The following SYT17 variants were observed in gnomAD, a reference collection of about 807,000 sequenced individuals.
The protein encoded by SYT17 is synaptotagmin-17.
In SYT17, 22 loss-of-function variants were observed where a neutral mutation model predicts 46.7. The ratio of observed to expected loss-of-function variants is 0.47; its 90% CI spans 0.34 to 0.67. The LOEUF is 0.67. Ranked by LOEUF, SYT17 falls within the 30% of genes least tolerant of loss-of-function variation. SYT17 has a pLI of 0.01. For synonymous variants in SYT17, 251 were observed against 248.4 expected, an observed-to-expected ratio of 1.01 and a Z score of -0.10; for missense variants, 519 against 612.8, an observed-to-expected ratio of 0.85 and a Z score of 1.62.
chr16:19,244,029 C>G (rs1043819060), intron 7 of SYT17, among the ~76,000 whole-genome samples: 1 of 151,952 alleles, frequency 6.6e-6, no homozygotes, highest in Non-Finnish European at 1.5e-5. Flanking sequence ...CTAACTTGGG[C>G]GAGGGGCAGG....
chr16:19,254,022 C>G (rs1431071358), intron 7 of SYT17, among the ~76,000 whole-genome samples: 1 of 152,228 alleles, frequency 6.6e-6, no homozygotes, highest in African/African-American at 2.4e-5. Flanking sequence ...AACCACCGCA[C>G]CCAGTCCTCT....
chr16:19,238,517 C>T (rs1286043149), intron 7 of SYT17, among the ~76,000 whole-genome samples: 1 of 152,240 alleles, frequency 6.6e-6, no homozygotes, highest in Admixed American at 6.5e-5. Context: ...CCAACATCCA[C>T]CAGGTGGTAG....
intron 3 of SYT17, among the ~76,000 whole-genome samples, chr16:19,179,654 G>A (rs1433197300): frequency 6.6e-6 from 1 of 152,202 alleles, no homozygotes; most frequent in Non-Finnish European, 1.5e-5. Flanking sequence ...TTACAGATGG[G>A]GAAATGGAGG....
chr16:19,186,181 A>G, intron 5 of SYT17, among the ~76,000 whole-genome samples: 1 of 152,122 alleles, frequency 6.6e-6, no homozygotes. Context: ...AATTAAAAGT[A>G]TTCATGTGTA....
chr16:19,215,476 A>G (rs1336417318), intron 5 of SYT17, among the ~76,000 whole-genome samples: 3 of 152,194 alleles, frequency 2.0e-5, no homozygotes, highest in African/African-American at 4.8e-5. Flanking sequence ...CCAAGGATCT[A>G]TCATAGTTCA....
chr16:19,204,281 C>T lies in SYT17; in HGVS notation c.952-18764C>T, dbSNP rs143431258. Reference sequence around the variant, plus strand: ...ACATGCCCCCTGCAGGGCACAATCACCCCCTTGAGAACCACTGATTTGAGA... The same window carrying T: ...ACATGCCCCCTGCAGGGCACAATCATCCCCTTGAGAACCACTGATTTGAGA... On this transcript the variant is annotated intron_variant, in intron 5 of 7. Transcript: ENST00000355377. Among the ~76,000 whole-genome samples the T allele has an allele frequency of 4.8e-3, 731 of 152,208 alleles. 6 individuals carry two copies. The highest frequency in any genetic ancestry group is 0.016 in the African/African-American group (685 of 41,532).
In SYT17 at chr16:19,223,168, A is replaced by G; in HGVS notation, c.1072+3A>G. 1.2e-6 allele frequency: 2 copies of G among 1,613,484 alleles called. No individual in the cohort carries two copies. The highest frequency in any genetic ancestry group is 1.7e-6 in the Non-Finnish European group (2 of 1,179,516). On this transcript the variant is annotated splice_donor_region_variant and intron_variant, in intron 6 of 7. Transcript: ENST00000355377. The stretch of plus-strand genomic sequence containing the variant: ...GACAGATGTGAGCCAAGGTTCAGGT[A>G]CCGTGTGATTCCCCTCTTCTCTCAC...
rs779805388 is a variant in SYT17 at position 19,183,654 on chromosome 16, A to C, written c.458A>C (p.Tyr153Ser). Reference protein sequence around the residue: ...VLRRTYNPDDYFRKFEPHLYS... With the variant: ...VLRRTYNPDDSFRKFEPHLYS... Reference sequence around the variant, plus strand: ...AGACGGACCTATAACCCCGACGACTATTTCAGGAAGTTCGAACCCCACCTG... The same window carrying C: ...AGACGGACCTATAACCCCGACGACTCTTTCAGGAAGTTCGAACCCCACCTG... The change falls in exon 5 of 8, where the codon TAT becomes TCT. Residue 153 changes from tyrosine (Y) to serine (S), a missense_variant. Transcript: ENST00000355377. This position sits in a 1 kb window ranked among gnomAD's most constrained non-coding sequence, Gnocchi z 5.6. 91 of 1,614,028 alleles carry C rather than the reference A, an allele frequency of 5.6e-5. No individual in the cohort carries two copies. Among genetic ancestry groups the C allele is most frequent in the Non-Finnish European group, 7.0e-5 (83 of 1,180,044 alleles).
intron 7 of SYT17, among the ~76,000 whole-genome samples, chr16:19,240,893 C>G (rs1183269724): frequency 6.6e-6 from 1 of 151,810 alleles, no homozygotes; most frequent in African/African-American, 2.4e-5. Context: ...AGCACTACCC[C>G]AAGCATGTGC....
chr16:19,175,713 T>C (rs918263733), intron 3 of SYT17, among the ~76,000 whole-genome samples: 2 of 151,006 alleles, frequency 1.3e-5, no homozygotes, highest in Non-Finnish European at 2.9e-5. Context: ...GTCCATCTGA[T>C]GTCCTTAAAG....
chr16:19,180,400 C>T lies in SYT17; in HGVS notation c.192C>T (p.Ser64=), dbSNP rs1964498704. ...PAQTPPWLMA[S]RSSDKDGDSV... ...TCTTCCCTTCCTATAGGATGGCCAG[C>T]CGGAGCAGTGACAAGGATGGTGACT... is the stretch of plus-strand genomic sequence containing the variant. Residue 64 remains serine, a synonymous_variant, in exon 4 of 8, where the codon AGC becomes AGT. Coordinates refer to ENST00000355377, the MANE Select transcript of SYT17 (RefSeq NM_016524.4). 8.1e-6 allele frequency: 13 copies of T among 1,614,004 alleles called. No homozygotes were observed. Among genetic ancestry groups the T allele is most frequent in the East Asian group, 4.5e-5 (2 of 44,892 alleles).
At chr16:19,214,490 A>G (rs1966017736) in intron 5 of SYT17, among the ~76,000 whole-genome samples, 1 of 152,082 alleles carries the variant, frequency 6.6e-6, no homozygotes, top group Admixed American at 6.5e-5. Context: ...ATGAGCCACC[A>G]TGCTTGGCCC....
rs371152742 is a variant in SYT17, at chr16:19,173,478, C to G, written c.82C>G (p.Arg28Gly). 1.9e-6 allele frequency: 3 copies of G among 1,613,060 alleles called. No individual in the cohort carries two copies. Among genetic ancestry groups the G allele is most frequent in the Non-Finnish European group, 2.5e-6 (3 of 1,179,790 alleles). ...SGLLLCRWTC[R>G]HCCQKCYESS... ...TCTGCTGCTGTGCAGATGGACCTGC[C>G]GGCACTGCTGTCAGAAGTGCTACGA... The change falls in exon 3 of 8, where the codon CGG (arginine) becomes GGG (glycine). Residue 28 changes from arginine (R) to glycine (G), a missense_variant. Arg to Gly is a moderately radical substitution (Grantham distance 125). Transcript: ENST00000355377.
chr16:19,217,295 A>T (rs1259009124), intron 5 of SYT17, among the ~76,000 whole-genome samples: 2 of 152,084 alleles, frequency 1.3e-5, no homozygotes, highest in African/African-American at 4.8e-5. Flanking sequence ...GGAATTATGG[A>T]ATTCCATAAT....
At chr16:19,202,972 C>G (rs1185578501) in intron 5 of SYT17, among the ~76,000 whole-genome samples, 1 of 152,158 alleles carries the variant, frequency 6.6e-6, no homozygotes, top group Non-Finnish European at 1.5e-5. Context: ...TCCACCTCGA[C>G]CTCTGTAAGT....
At chr16:19,241,772 G>T (rs1967147136) in intron 7 of SYT17, among the ~76,000 whole-genome samples, 1 of 152,200 alleles carries the variant, frequency 6.6e-6, no homozygotes, top group Admixed American at 6.5e-5. Context: ...CCAGGGTCGG[G>T]AGTCACAGAG....
chr16:19,193,422 G>A (rs895895978), intron 5 of SYT17, among the ~76,000 whole-genome samples: 2 of 152,190 alleles, frequency 1.3e-5, no homozygotes, highest in Non-Finnish European at 2.9e-5. Context: ...CTGGAATGCT[G>A]GATATTTATG....
chr16:19,211,991 T>C (rs1241996992), intron 5 of SYT17, among the ~76,000 whole-genome samples: 1 of 151,970 alleles, frequency 6.6e-6, no homozygotes, highest in Non-Finnish European at 1.5e-5. Flanking sequence ...GTCTCAGAGG[T>C]AGGCAGGAAT....
At chr16:19,239,851 G>A (rs1279041419) in intron 7 of SYT17, among the ~76,000 whole-genome samples, 2 of 152,202 alleles carry the variant, frequency 1.3e-5, no homozygotes, top group South Asian at 2.1e-4. Context: ...CAAGGGTTAT[G>A]TGAGCAAACG....
Sources: allele counts gnomAD v4.1 joint callset (sites outside exome capture counted in the v4.1 genomes callset), GRCh38; gene constraint gnomAD v4.1.1; non-coding constraint Gnocchi (gnomAD v3.1); transcripts MANE v1.5; gene names NCBI Gene and HGNC (gene_info 2026-07-23, HGNC 2026-07-21).